Variants in COBLL1 observed in about 807,000 individuals in gnomAD.
The protein encoded by COBLL1 is cordon-bleu protein-like 1.
COBLL1 carries 50 observed loss-of-function variants against 94.8 expected under a neutral mutation model. The ratio of observed to expected loss-of-function variants is 0.53; its 90% confidence interval spans 0.42 to 0.67. The LOEUF (loss-of-function observed/expected upper bound fraction) is 0.67. Among genes scored for constraint, COBLL1 ranks in the 30% least tolerant of loss-of-function variants. The pLI, the probability that COBLL1 is intolerant of heterozygous loss-of-function variation, is 0.00. For missense variants in COBLL1, 1,362 were observed against 1,348.7 expected, an observed-to-expected ratio of 1.01 and a Z score of -0.15; for synonymous variants, 448 against 473.8, an observed-to-expected ratio of 0.95 and a Z score of 0.71.
Position 164,683,158 on chromosome 2 carries a change from G to C in COBLL1, c.*2788C>G, listed in dbSNP as rs756359349. 1.3e-5 allele frequency: 2 copies of C among 151,686 alleles called. No homozygotes were observed. The highest frequency in any genetic ancestry group is 4.8e-5 in the African/African-American group (2 of 41,312). The allele number at this position is 151,686 out of a possible 1,614,324, so 9.4% of individuals were successfully genotyped here. A position where few individuals can be genotyped will look rare whatever the true frequency, so the allele number is the denominator to read the frequency against. Reference sequence around the variant, plus strand: ...AGAGTGGGATGCTGGGGATGAAAAAGAATGTATTTTATACTCTATCATATA... The same window carrying C: ...AGAGTGGGATGCTGGGGATGAAAAACAATGTATTTTATACTCTATCATATA... On this transcript the variant is annotated 3_prime_UTR_variant, in exon 14 of 14. Transcript: ENST00000652658.
chr2:164,817,451 C>A (rs1450418104), intron 2 of COBLL1, among the ~76,000 whole-genome samples: 1 of 151,010 alleles, frequency 6.6e-6, no homozygotes, highest in Non-Finnish European at 1.5e-5. Context: ...TAAACAAAAC[C>A]CTCTTTAGTC....
intron 7 of COBLL1, among the ~76,000 whole-genome samples, chr2:164,706,744 T>C (rs1463323157): frequency 6.6e-6 from 1 of 152,322 alleles, no homozygotes; most frequent in African/African-American, 2.4e-5. Context: ...TGCTACTATG[T>C]TGTCTGACTC....
Position 164,685,888 on chromosome 2 carries a change from A to G in COBLL1, c.*58T>C, listed in dbSNP as rs1683251938. ...GAATATACATTTGCCAAAATGTTCC[A>G]TTAGTATGAAGTTGGTCTGAAGTGG... On this transcript the variant is annotated 3_prime_UTR_variant, in exon 14 of 14. Coordinates refer to ENST00000652658, the MANE Select transcript of COBLL1 (RefSeq NM_001365672.2). The G allele has an allele frequency of 3.3e-6, 3 of 922,540 alleles. No individual in the cohort carries two copies. Among genetic ancestry groups the G allele is most frequent in the African/African-American group, 3.4e-5 (2 of 59,694 alleles). 57.1% of individuals were successfully genotyped at this position (922,540 alleles called of 1,614,324 possible). A position where few individuals can be genotyped will look rare whatever the true frequency, so the allele number is the denominator to read the frequency against.
chr2:164,784,666 G>A (rs1688868096), intron 2 of COBLL1, among the ~76,000 whole-genome samples: 1 of 151,864 alleles, frequency 6.6e-6, no homozygotes, highest in African/African-American at 2.4e-5. Context: ...TTTTCCCTAA[G>A]CCCTTAGAGG....
At position 164,748,865 on chromosome 2, in the gene COBLL1, T is replaced by C. The variant is rs561416148; in HGVS notation, c.42-4990A>G. 5.3e-5 allele frequency among the ~76,000 whole-genome samples: 8 copies of C among 152,314 alleles called. No individual in the cohort carries two copies. In the East Asian group the frequency reaches 1.3e-3, roughly 26 times the overall value. On this transcript the variant is annotated intron_variant, in intron 2 of 13. Coordinates refer to ENST00000652658, the MANE Select transcript of COBLL1 (RefSeq NM_001365672.2). ...ATTGCTTATGCAAATCATTGCTTTA[T>C]TAAAATTATCTCAATATTATACTCA... is the stretch of plus-strand genomic sequence containing the variant.
intron 2 of COBLL1, among the ~76,000 whole-genome samples, chr2:164,793,620 T>C (rs1192159907): frequency 1.3e-5 from 2 of 152,248 alleles, no homozygotes; most frequent in Admixed American, 6.5e-5. Flanking sequence ...AAATATGTTC[T>C]ACTTTCAGAG....
chr2:164,756,255 A>C (rs1687403740), intron 2 of COBLL1, among the ~76,000 whole-genome samples: 1 of 152,166 alleles, frequency 6.6e-6, no homozygotes, highest in South Asian at 2.1e-4. Flanking sequence ...ACTCCAGTAG[A>C]AAACATATGA....
chr2:164,668,900 G>A (rs1243008888), intron 1 of COBLL1, among the ~76,000 whole-genome samples: 1 of 152,114 alleles, frequency 6.6e-6, no homozygotes, highest in Non-Finnish European at 1.5e-5. Context: ...TATTGCCTTA[G>A]GATAAATTCC....
intron 2 of COBLL1, among the ~76,000 whole-genome samples, chr2:164,766,420 T>C (rs975300918): frequency 6.6e-6 from 1 of 152,156 alleles, no homozygotes; most frequent in African/African-American, 2.4e-5. Flanking sequence ...ATTCTTGCAA[T>C]AGTGAGTTCT....
At chr2:164,710,650 C>T (rs747675995) in intron 7 of COBLL1, among the ~76,000 whole-genome samples, 5 of 151,326 alleles carry the variant, frequency 3.3e-5, no homozygotes, top group Non-Finnish European at 5.9e-5. Flanking sequence ...CTGCAACCTC[C>T]GCCTCCCGGG....
chr2:164,830,347 C>CA (rs1252912987), intron 2 of COBLL1, among the ~76,000 whole-genome samples: 3 of 152,010 alleles, frequency 2.0e-5, no homozygotes, highest in African/African-American at 7.3e-5. Context: ...TTGCTATCAA[C>CA]AAAAAAGAAT....
chr2:164,698,973 G>GA (rs1684094008), intron 11 of COBLL1, among the ~76,000 whole-genome samples: 1 of 152,016 alleles, frequency 6.6e-6, no homozygotes, highest in South Asian at 2.1e-4. Context: ...TTTGGGCCTT[G>GA]AAAAATCAGG....
chr2:164,830,540 T>C (rs1186049591), intron 2 of COBLL1, among the ~76,000 whole-genome samples: 1 of 152,178 alleles, frequency 6.6e-6, no homozygotes. Flanking sequence ...CTATAAAAAT[T>C]CTCCTAAATT....
At chr2:164,781,736 A>T (rs1465723681) in intron 2 of COBLL1, among the ~76,000 whole-genome samples, 1 of 152,238 alleles carries the variant, frequency 6.6e-6, no homozygotes, top group African/African-American at 2.4e-5. Context: ...AAATTAAAAC[A>T]TAGATCCTGA....
intron 7 of COBLL1, among the ~76,000 whole-genome samples, chr2:164,708,545 T>C (rs1684722800): frequency 6.6e-6 from 1 of 152,214 alleles, no homozygotes; most frequent in African/African-American, 2.4e-5. Flanking sequence ...TCCCTTGATA[T>C]CTTAAGAGTA....
intron 2 of COBLL1, among the ~76,000 whole-genome samples, chr2:164,824,061 TAC>T (rs1392958185): frequency 6.6e-6 from 1 of 152,192 alleles, no homozygotes; most frequent in Non-Finnish European, 1.5e-5. Flanking sequence ...ATAAATAGTA[TAC>T]ACAGTTAAAA....
At chr2:164,745,213 C>T (rs1686803902) in intron 2 of COBLL1, among the ~76,000 whole-genome samples, 1 of 152,136 alleles carries the variant, frequency 6.6e-6, no homozygotes, top group South Asian at 2.1e-4. Context: ...TAACATATGA[C>T]TCATCGTGAA....
intron 5 of COBLL1, among the ~76,000 whole-genome samples, chr2:164,725,589 T>C (rs527966477): frequency 6.6e-6 from 1 of 152,152 alleles, no homozygotes; most frequent in Admixed American, 6.5e-5. Context: ...CGGCTAATTT[T>C]TGTATTTTTT....
chr2:164,824,807 T>G (rs1685349798), intron 2 of COBLL1, among the ~76,000 whole-genome samples: 1 of 152,240 alleles, frequency 6.6e-6, no homozygotes, highest in Admixed American at 6.5e-5. Context: ...GTTTATTTTG[T>G]AATTGGAAAA....
Sources: gnomAD v4.1 joint callset for allele counts (sites outside exome capture counted in the v4.1 genomes callset) on GRCh38, gnomAD v4.1.1 for gene constraint, MANE v1.5 for transcripts, NCBI Gene and HGNC (gene_info 2026-07-23, HGNC 2026-07-21) for gene names.